The following SBF2 variants were observed in gnomAD, a reference collection of about 807,000 sequenced individuals.
SBF2 encodes the protein SET binding factor 2.
Under a neutral mutation model 225.2 loss-of-function variants are expected in SBF2, and 112 were observed. The observed-to-expected ratio is 0.50, with a 90% CI of 0.43 to 0.58. The LOEUF (loss-of-function observed/expected upper bound fraction) is 0.58, where lower values mean the gene tolerates loss of function less well. SBF2 is among the 20% of genes least tolerant of loss of function. The pLI, the probability that SBF2 is intolerant of heterozygous loss-of-function variation, is 0.00. For synonymous variants in SBF2, 763 were observed against 773.3 expected (o/e 0.99, Z 0.22); for missense variants, 1,996 against 2,206.2 (o/e 0.90, Z 1.91).
At chr11:10,199,825 G>A (rs1957510469) in intron 1 of SBF2, among the ~76,000 whole-genome samples, 2 of 147,462 alleles carry the variant, frequency 1.4e-5, no homozygotes, top group South Asian at 4.4e-4. Context: ...TGGAACCCTT[G>A]TGCATGTTGA....
intron 8 of SBF2, 100 bp downstream of exon 8, chr11:10,000,814 C>T (rs1947923438): frequency 4.3e-6 from 3 of 693,512 alleles, no homozygotes; most frequent in Non-Finnish European, 7.9e-6. Context: ...GGAAATGCTA[C>T]AGATCTGAAA....
chr11:9,963,906 C>T, intron 14 of SBF2, 24 bp from the exon 15 acceptor site: 1 of 1,320,430 alleles, frequency 7.6e-7, no homozygotes. Context: ...ATAAAGAAAG[C>T]ACAAATAAAT....
chr11:9,877,957 C>G (rs1328552517), intron 17 of SBF2, among the ~76,000 whole-genome samples: 1 of 151,894 alleles, frequency 6.6e-6, no homozygotes, highest in African/African-American at 2.4e-5. Context: ...TTCTAGATCC[C>G]TAAGGAATCA....
At chr11:9,968,982 T>C (rs1483147695) in intron 13 of SBF2, among the ~76,000 whole-genome samples, 1 of 152,128 alleles carries the variant, frequency 6.6e-6, no homozygotes, top group East Asian at 1.9e-4. Context: ...CTAAACCCCA[T>C]ACCCACATGT....
chr11:10,084,336 G>T (rs181047808), intron 2 of SBF2, among the ~76,000 whole-genome samples: 8 of 152,124 alleles, frequency 5.3e-5, no homozygotes, highest in Admixed American at 5.2e-4. Flanking sequence ...AAATGCTCAA[G>T]TTCAGTAATA....
chr11:9,953,105 G>A (rs543557261), intron 16 of SBF2, among the ~76,000 whole-genome samples: 29 of 152,318 alleles, frequency 1.9e-4, no homozygotes, highest in Non-Finnish European at 3.8e-4. Flanking sequence ...TTGCAAAAAT[G>A]CGGAGCCAAC....
chr11:9,972,980 A>T (rs1946528800), intron 13 of SBF2, among the ~76,000 whole-genome samples: 1 of 152,214 alleles, frequency 6.6e-6, no homozygotes, highest in South Asian at 2.1e-4. Context: ...TTAAATTATG[A>T]TATATTTAGC....
intron 2 of SBF2, among the ~76,000 whole-genome samples, chr11:10,160,164 C>A (rs1955671083): frequency 6.6e-6 from 1 of 151,972 alleles, no homozygotes; most frequent in Non-Finnish European, 1.5e-5. Context: ...ACATAGAAAA[C>A]CCTGAATACT....
At chr11:10,027,490 T>G (rs777098338) in intron 6 of SBF2, among the ~76,000 whole-genome samples, 1 of 152,018 alleles carries the variant, frequency 6.6e-6, no homozygotes, top group Non-Finnish European at 1.5e-5. Context: ...AGCAAGAGGG[T>G]AGAATTTCTG....
Position 9,846,995 on chromosome 11 carries a change from G to A in SBF2, c.2895C>T (p.Asn965=). The change falls in exon 23 of 40, where the codon AAC becomes AAT. Residue 965 remains asparagine (N), a synonymous_variant. Coordinates refer to ENST00000256190, the MANE Select transcript of SBF2 (RefSeq NM_030962.4). ...ATGTGATCTGCAGTCCTTCTTGCAT[G>A]TTCTGCTGTAGCTGGTTCTGCATTG... ...KITMQNQLQQ[N]MQEGLQITSA... The A allele has an allele frequency of 6.2e-7, 1 of 1,613,754 alleles. No individual in the cohort carries two copies. Among genetic ancestry groups the A allele is most frequent in the Non-Finnish European group, 8.5e-7 (1 of 1,179,714 alleles).
chr11:10,179,246 A>C (rs1350235767), intron 2 of SBF2, among the ~76,000 whole-genome samples: 3 of 151,832 alleles, frequency 2.0e-5, no homozygotes, highest in Non-Finnish European at 4.4e-5. Flanking sequence ...CTAATGCTAG[A>C]TGAGGAGTTA....
chr11:9,880,254 A>G (rs1859648104), intron 17 of SBF2, among the ~76,000 whole-genome samples: 1 of 152,206 alleles, frequency 6.6e-6, no homozygotes. Flanking sequence ...TATTAACTAT[A>G]TCTGGCTGAG....
At position 10,294,042 on chromosome 11, in the gene SBF2, C is replaced by T; in HGVS notation, c.28G>A (p.Val10Met). 1 of 1,403,036 alleles carries T rather than the reference C, an allele frequency of 7.1e-7. No individual in the cohort carries two copies. Among genetic ancestry groups the T allele is most frequent in the Non-Finnish European group, 9.3e-7 (1 of 1,072,366 alleles). 86.9% of individuals were successfully genotyped at this position (1,403,036 alleles called of 1,614,324 possible). MARLADYFIVVGYDHEKPGS... is the reference protein window; with the variant it reads MARLADYFIMVGYDHEKPGS... ...GGCTTCTCGTGGTCATAGCCTACCA[C>T]GATGAAGTAGTCAGCCAGCCGGGCC... The change falls in exon 1 of 40, where the codon GTG becomes ATG. Residue 10 changes from valine (V) to methionine (M), a missense_variant. Val to Met is a conservative substitution (Grantham distance 21). Coordinates refer to ENST00000256190, the MANE Select transcript of SBF2 (RefSeq NM_030962.4).
chr11:9,821,494 C>T (rs1854752012), intron 28 of SBF2, among the ~76,000 whole-genome samples: 1 of 152,162 alleles, frequency 6.6e-6, no homozygotes, highest in Non-Finnish European at 1.5e-5. Context: ...CTAATCCCAT[C>T]TGGAAGTCAT....
intron 17 of SBF2, among the ~76,000 whole-genome samples, chr11:9,881,931 T>C (rs1859796527): frequency 1.3e-5 from 2 of 152,110 alleles, no homozygotes; most frequent in South Asian, 2.1e-4. Context: ...GAGGCTGCAG[T>C]GAGCCATGAT....
At chr11:9,835,136 A>C (rs1169688580) in intron 26 of SBF2, among the ~76,000 whole-genome samples, 2 of 152,152 alleles carry the variant, frequency 1.3e-5, no homozygotes, top group East Asian at 3.9e-4. Context: ...TGGGCTCCAC[A>C]GTTAACTCTC....
chr11:9,858,853 A>G (rs539391821), intron 17 of SBF2, among the ~76,000 whole-genome samples: 8 of 152,272 alleles, frequency 5.3e-5, no homozygotes, highest in African/African-American at 1.9e-4. Flanking sequence ...TTACACACAG[A>G]ATGAGGATAT....
intron 2 of SBF2, among the ~76,000 whole-genome samples, chr11:10,164,515 AGCT>A (rs1955872309): frequency 1.3e-5 from 2 of 152,208 alleles, no homozygotes; most frequent in African/African-American, 4.8e-5. Context: ...CAAAGACAGT[AGCT>A]GAATCAAGTG....
At chr11:9,933,578 G>T (rs1864661414) in intron 16 of SBF2, among the ~76,000 whole-genome samples, 1 of 152,134 alleles carries the variant, frequency 6.6e-6, no homozygotes, top group Non-Finnish European at 1.5e-5. Context: ...ATAACGAAAT[G>T]AAGGCAGAAA....
Sources: gnomAD v4.1 joint callset for allele counts (sites outside exome capture counted in the v4.1 genomes callset) on GRCh38, gnomAD v4.1.1 for gene constraint, MANE v1.5 for transcripts, NCBI Gene and HGNC (gene_info 2026-07-23, HGNC 2026-07-21) for gene names.